SHB: variants seen among roughly 807,000 people sequenced by gnomAD.
SHB encodes the protein SH2 domain-containing adapter protein B.
SHB carries 20 observed loss-of-function variants against 52.3 expected under a neutral mutation model. The ratio of observed to expected loss-of-function variants is 0.38; its 90% CI spans 0.27 to 0.56. The LOEUF (loss-of-function observed/expected upper bound fraction) is 0.56, where lower values mean the gene tolerates loss of function less well. SHB is among the 20% of genes least tolerant of loss of function. SHB has a pLI of 0.71. For synonymous variants in SHB, 397 were observed against 316.5 expected, an observed-to-expected ratio of 1.25 and a Z score of -2.70; for missense variants, 825 against 723.3, an observed-to-expected ratio of 1.14 and a Z score of -1.61.
At chr9:38,032,644 G>T (rs1333193034) in intron 1 of SHB, among the ~76,000 whole-genome samples, 1 of 152,218 alleles carries the variant, frequency 6.6e-6, no homozygotes, top group East Asian at 1.9e-4. Flanking sequence ...GCTTCCGCCT[G>T]CAGCCTTTGA....
intron 2 of SHB, among the ~76,000 whole-genome samples, chr9:37,979,936 A>G (rs1820703899): frequency 6.6e-6 from 1 of 152,228 alleles, no homozygotes. Context: ...GTAGAACCTT[A>G]ATTTTAAAAA....
intron 3 of SHB, among the ~76,000 whole-genome samples, chr9:37,972,751 C>T (rs1820606657): frequency 6.6e-6 from 1 of 152,072 alleles, no homozygotes; most frequent in Non-Finnish European, 1.5e-5. Context: ...TCAGCGCATG[C>T]TATATTCACA....
intron 5 of SHB, among the ~76,000 whole-genome samples, chr9:37,934,946 G>A (rs113870159): frequency 1.4e-3 from 210 of 152,282 alleles, no homozygotes; most frequent in South Asian, 3.5e-3. Context: ...GTTCCACAAA[G>A]TTACTTACTA....
At chr9:37,973,494 A>G (rs1213502982) in intron 3 of SHB, among the ~76,000 whole-genome samples, 1 of 152,264 alleles carries the variant, frequency 6.6e-6, no homozygotes, top group Non-Finnish European at 1.5e-5. Context: ...AAGTGCCAGG[A>G]CTACAGGCGT....
intron 1 of SHB, among the ~76,000 whole-genome samples, chr9:38,051,621 C>T (rs2118167195): frequency 6.6e-6 from 1 of 152,260 alleles, no homozygotes; most frequent in African/African-American, 2.4e-5. Context: ...GAAGTGATGA[C>T]ACCAACTCCC....
At chr9:38,040,619 A>AG (rs544507332) in intron 1 of SHB, among the ~76,000 whole-genome samples, 442 of 152,106 alleles carry the variant, frequency 2.9e-3, no homozygotes, top group African/African-American at 9.9e-3. Flanking sequence ...GGCTTCCTGG[A>AG]GGAGGTGGCG....
At chr9:37,920,335 C>T (rs1832165707) in intron 5 of SHB, among the ~76,000 whole-genome samples, 1 of 149,052 alleles carries the variant, frequency 6.7e-6, no homozygotes, top group Non-Finnish European at 1.5e-5. Context: ...CAAAACAAAA[C>T]TTAGTCCCTC....
chr9:37,937,663 A>G (rs1832389319), intron 5 of SHB, among the ~76,000 whole-genome samples: 1 of 152,254 alleles, frequency 6.6e-6, no homozygotes. Flanking sequence ...ACCTCATTTT[A>G]TAGCCCTAGC....
Position 38,031,679 on chromosome 9 carries a change from G to C in SHB, c.718-15548C>G, listed in dbSNP as rs142009432. On this transcript the variant is annotated intron_variant, in intron 1 of 5. Transcript: ENST00000377707. ...AAGGGGACATCTGAGACCATCACGG[G>C]AGCTGGTTTCCATGAAACACCAACA... Among the ~76,000 whole-genome samples, 430 of 152,312 alleles carry C rather than the reference G, an allele frequency of 2.8e-3. 3 individuals are homozygous for C. The highest frequency in any genetic ancestry group is 1.0e-2 in the African/African-American group (414 of 41,556).
In SHB at chr9:37,930,015, T is replaced by C. The variant is rs565393617; in HGVS notation, c.1347-10011A>G. Reference sequence around the variant, plus strand: ...TACTTGGGAGGCTGAGGTGGGAGGATTGCTTGAGCCTGGCAGGCTGAGGCT... The same window carrying C: ...TACTTGGGAGGCTGAGGTGGGAGGACTGCTTGAGCCTGGCAGGCTGAGGCT... On this transcript the variant is annotated intron_variant, in intron 5 of 5. Transcript: ENST00000377707. Among the ~76,000 whole-genome samples, 18 of 152,228 alleles carry C rather than the reference T, an allele frequency of 1.2e-4. No individual in the cohort carries two copies. In the South Asian group the frequency reaches 1.9e-3, roughly 16 times the overall value.
chr9:38,063,676 C>T (rs1470967891), intron 1 of SHB, among the ~76,000 whole-genome samples: 1 of 152,284 alleles, frequency 6.6e-6, no homozygotes, highest in African/African-American at 2.4e-5. Context: ...CTGACTAGAC[C>T]GGGAGAAGCT....
At chr9:37,996,280 G>A (rs1257922112) in intron 2 of SHB, among the ~76,000 whole-genome samples, 1 of 152,184 alleles carries the variant, frequency 6.6e-6, no homozygotes, top group Admixed American at 6.5e-5. Flanking sequence ...CTCACACCCA[G>A]GATGAACTTT....
intron 1 of SHB, among the ~76,000 whole-genome samples, chr9:38,061,585 G>A (rs1821892974): frequency 1.3e-5 from 2 of 152,218 alleles, no homozygotes; most frequent in Admixed American, 1.3e-4. Flanking sequence ...AGAAACCACA[G>A]CTGTTTCAGA....
At chr9:38,042,339 C>T (rs1271233218) in intron 1 of SHB, among the ~76,000 whole-genome samples, 1 of 152,214 alleles carries the variant, frequency 6.6e-6, no homozygotes, top group African/African-American at 2.4e-5. Context: ...GCTAACCTCA[C>T]CTCCAAACTG....
chr9:37,977,164 G>A (rs1820666438), intron 2 of SHB, among the ~76,000 whole-genome samples: 1 of 152,054 alleles, frequency 6.6e-6, no homozygotes, highest in African/African-American at 2.4e-5. Flanking sequence ...ATTTAAAAAA[G>A]AGACTTTGGA....
intron 2 of SHB, among the ~76,000 whole-genome samples, chr9:37,976,166 G>T (rs1820651474): frequency 6.6e-6 from 1 of 152,064 alleles, no homozygotes; most frequent in African/African-American, 2.4e-5. Context: ...CTCCCAAATA[G>T]CTAGGAGCAC....
chr9:38,049,874 A>C (rs1235267582), intron 1 of SHB, among the ~76,000 whole-genome samples: 1 of 149,328 alleles, frequency 6.7e-6, no homozygotes, highest in African/African-American at 2.5e-5. Flanking sequence ...ATCTTGGCTC[A>C]CTGCAACCTC....
intron 4 of SHB, among the ~76,000 whole-genome samples, chr9:37,950,919 TC>T (rs1832559296): frequency 6.6e-6 from 1 of 152,192 alleles, no homozygotes; most frequent in African/African-American, 2.4e-5. Context: ...ACATTACATT[TC>T]CAGGTGCAAG....
chr9:37,956,013 G>T lies in SHB; in HGVS notation c.1096C>A (p.Pro366Thr). The T allele has an allele frequency of 6.3e-7, 1 of 1,585,494 alleles. No homozygotes were observed. Among genetic ancestry groups the T allele is most frequent in the Non-Finnish European group, 8.6e-7 (1 of 1,166,336 alleles). Residue 366 changes from proline to threonine, a missense_variant, in exon 4 of 6, where the codon CCT (proline) becomes ACT (threonine). Coordinates refer to ENST00000377707, the MANE Select transcript of SHB (RefSeq NM_003028.3). ...AGCTGGCGCCGCCGGTCCCGCGAAG[G>T]TGAGGGGGATGACTGCCGCTTCTCG... The part of the protein sequence containing the change: ...GNEKRQSSPS[P>T]SRDRRRQLRA...
Sources: allele counts gnomAD v4.1 joint callset (sites outside exome capture counted in the v4.1 genomes callset), GRCh38; gene constraint gnomAD v4.1.1; transcripts MANE v1.5; gene names NCBI Gene and HGNC (gene_info 2026-07-23, HGNC 2026-07-21).